Variants in TBX15 observed in about 807,000 individuals in gnomAD.
TBX15 encodes T-box transcription factor 15.
In TBX15, 18 loss-of-function variants were observed where a neutral mutation model predicts 53.9. The ratio of observed to expected loss-of-function variants is 0.33; its 90% confidence interval spans 0.23 to 0.49. The LOEUF is 0.49. Among genes scored for constraint, TBX15 ranks in the 20% least tolerant of loss-of-function variants. The pLI is 0.98. For missense variants in TBX15, 692 were observed against 749.5 expected, an observed-to-expected ratio of 0.92 and a Z score of 0.90; for synonymous variants, 295 against 278.0, an observed-to-expected ratio of 1.06 and a Z score of -0.61.
At chr1:118,892,649 C>G (rs1571148759) in intron 7 of TBX15, among the ~76,000 whole-genome samples, 1 of 152,066 alleles carries the variant, frequency 6.6e-6, no homozygotes, top group Non-Finnish European at 1.5e-5. Flanking sequence ...GTAGTCTTCT[C>G]TAACAGTAAT....
At chr1:118,929,592 A>G (rs1378383680) in intron 2 of TBX15, among the ~76,000 whole-genome samples, 1 of 152,214 alleles carries the variant, frequency 6.6e-6, no homozygotes, top group Non-Finnish European at 1.5e-5. Context: ...TTACTAAAGA[A>G]CAAACTATGT....
In TBX15 at chr1:118,907,274, G is replaced by T. The variant is rs145583359; in HGVS notation, c.926+6841C>A. On this transcript the variant is annotated intron_variant, in intron 6 of 7. Transcript: ENST00000369429. ...AGGGTAAAGCCCAAGGTCACAGACAGGATGAAGGCTCCGTCAGAGGAAATC... is the reference window on the plus strand; with the variant it reads ...AGGGTAAAGCCCAAGGTCACAGACATGATGAAGGCTCCGTCAGAGGAAATC... Among the ~76,000 whole-genome samples, 291 of 152,314 alleles carry T rather than the reference G, an allele frequency of 1.9e-3. 1 individual carries two copies. Among genetic ancestry groups the T allele is most frequent in the African/African-American group, 6.4e-3 (267 of 41,568 alleles).
chr1:118,899,098 T>C lies in TBX15; in HGVS notation c.954A>G (p.Thr318=), dbSNP rs747885599. 4 of 1,613,664 alleles carry C rather than the reference T, an allele frequency of 2.5e-6. No homozygotes were observed. The highest frequency in any genetic ancestry group is 1.1e-5 in the South Asian group (1 of 91,078). The change falls in exon 7 of 8, where the codon ACA becomes ACG. Residue 318 remains threonine, a synonymous_variant. Coordinates refer to ENST00000369429, the MANE Select transcript of TBX15 (RefSeq NM_001330677.2). ...GCACAGGAGGTCTCCAGAATGCATA[T>C]GTCTCCATGATGGCTTCAAGTCCAG... ...NRTGLEAIME[T]YAFWRPPVRT... is the part of the protein sequence containing the mutation.
rs1279728616 is a variant in TBX15, at chr1:118,884,600, G to A, written c.*132C>T. On this transcript the variant is annotated 3_prime_UTR_variant, in exon 8 of 8. Transcript: ENST00000369429. The stretch of plus-strand genomic sequence containing the variant: ...CTCTTGTTCTTGGGTATATGTCTTC[G>A]GCCAGAAAAAAAAAAAAAAAAAAAA... The A allele has an allele frequency of 3.8e-6, 4 of 1,051,632 alleles. No homozygotes were observed. Among genetic ancestry groups the A allele is most frequent in the African/African-American group, 1.8e-5 (1 of 56,576 alleles). 65.1% of individuals were successfully genotyped at this position (1,051,632 alleles called of 1,614,324 possible). A position where few individuals can be genotyped will look rare whatever the true frequency, so the allele number is the denominator to read the frequency against.
intron 1 of TBX15, among the ~76,000 whole-genome samples, chr1:118,942,088 G>A (rs1457453548): frequency 2.0e-5 from 3 of 152,192 alleles, no homozygotes; most frequent in African/African-American, 7.2e-5. Context: ...AATCCTATGG[G>A]AGTTTAGAGG....
intron 3 of TBX15, 45 bp from the exon 4 acceptor site, chr1:118,924,862 G>A (rs778874025): frequency 1.9e-6 from 3 of 1,610,176 alleles, no homozygotes; most frequent in East Asian, 4.5e-5. Context: ...CAGAGGCAGA[G>A]AAGGGACAGA....
chr1:118,927,699 G>C (rs930959967), intron 2 of TBX15, among the ~76,000 whole-genome samples: 1 of 152,132 alleles, frequency 6.6e-6, no homozygotes, highest in Non-Finnish European at 1.5e-5. Context: ...AGCACTTTAC[G>C]ACTTCTCTCA....
intron 1 of TBX15, among the ~76,000 whole-genome samples, chr1:118,973,124 T>C (rs1437939852): frequency 1.3e-5 from 2 of 152,228 alleles, no homozygotes; most frequent in African/African-American, 2.4e-5. Flanking sequence ...GTTATCTCAC[T>C]TAATTCTCAC....
intron 6 of TBX15, 46 bp downstream of exon 6, chr1:118,914,069 G>A: frequency 1.9e-6 from 3 of 1,593,600 alleles, no homozygotes; most frequent in Non-Finnish European, 2.6e-6. Flanking sequence ...TGTGAGGGAA[G>A]TAATGTCACA....
intron 5 of TBX15, among the ~76,000 whole-genome samples, chr1:118,917,445 T>C (rs1438881191): frequency 6.6e-6 from 1 of 152,068 alleles, no homozygotes; most frequent in Non-Finnish European, 1.5e-5. Context: ...AGCATCAGGA[T>C]AAATAGCTAA....
chr1:118,968,344 A>G (rs1657122797), intron 1 of TBX15, among the ~76,000 whole-genome samples: 1 of 152,092 alleles, frequency 6.6e-6, no homozygotes, highest in Non-Finnish European at 1.5e-5. Context: ...TCTCCAGAGT[A>G]GCTGGGATTA....
intron 5 of TBX15, among the ~76,000 whole-genome samples, chr1:118,922,390 G>T (rs1488751284): frequency 6.6e-6 from 1 of 152,054 alleles, no homozygotes; most frequent in African/African-American, 2.4e-5. Context: ...CGCTTTTCAT[G>T]CCTGTTCAGA....
chr1:118,928,757 G>A (rs972375222), intron 2 of TBX15, among the ~76,000 whole-genome samples: 1 of 152,138 alleles, frequency 6.6e-6, no homozygotes, highest in Non-Finnish European at 1.5e-5. Context: ...TTCAATATCT[G>A]TTCTGTCTGG....
At chr1:118,956,187 T>C (rs1656684482) in intron 1 of TBX15, among the ~76,000 whole-genome samples, 1 of 152,198 alleles carries the variant, frequency 6.6e-6, no homozygotes, top group African/African-American at 2.4e-5. Context: ...AATAAATTTC[T>C]GTTTATAAGC....
At chr1:118,936,369 T>C (rs56307431) in intron 1 of TBX15, among the ~76,000 whole-genome samples, 2 of 152,186 alleles carry the variant, frequency 1.3e-5, no homozygotes, top group Non-Finnish European at 2.9e-5. Context: ...TTTACAGTCT[T>C]GGCATCTCCA....
At chr1:118,886,868 C>A (rs904483830) in intron 7 of TBX15, among the ~76,000 whole-genome samples, 2 of 152,150 alleles carry the variant, frequency 1.3e-5, no homozygotes, top group Non-Finnish European at 2.9e-5. Context: ...TCCAAAAGTC[C>A]CTAAATCTGT....
chr1:118,912,442 C>G (rs902137687), intron 6 of TBX15, among the ~76,000 whole-genome samples: 1 of 152,088 alleles, frequency 6.6e-6, no homozygotes, highest in Non-Finnish European at 1.5e-5. Context: ...GTACTTCAAG[C>G]TGAAGGTCTT....
At chr1:118,888,391 T>C (rs10923694) in intron 7 of TBX15, among the ~76,000 whole-genome samples, 24,051 of 152,182 alleles carry the variant, frequency 0.16, 2,033 homozygotes, top group East Asian at 0.23. Flanking sequence ...TTTGATATAA[T>C]GAAGGATCTC....
intron 1 of TBX15, among the ~76,000 whole-genome samples, chr1:118,986,149 G>A (rs1657826856): frequency 6.6e-6 from 1 of 152,300 alleles, no homozygotes; most frequent in African/African-American, 2.4e-5. Context: ...ACCCCTGCAA[G>A]AACTTCTAAC....
Sources: allele counts gnomAD v4.1 joint callset (sites outside exome capture counted in the v4.1 genomes callset), GRCh38; gene constraint gnomAD v4.1.1; transcripts MANE v1.5; gene names NCBI Gene and HGNC (gene_info 2026-07-23, HGNC 2026-07-21).